The following SUGCT variants were observed in gnomAD, a reference collection of about 807,000 sequenced individuals.
The protein encoded by SUGCT is succinyl-CoA:glutarate-CoA transferase.
Under a neutral mutation model 55.0 loss-of-function variants are expected in SUGCT, and 41 were observed. The observed-to-expected ratio is 0.74, with a 90% CI of 0.58 to 0.97. SUGCT has a LOEUF of 0.97. Among genes scored for constraint, SUGCT ranks in the 50% least tolerant of loss-of-function variants. The pLI, the probability that SUGCT is intolerant of heterozygous loss-of-function variation, is 0.00. For synonymous variants in SUGCT, 187 were observed against 200.4 expected (o/e 0.93, Z 0.56); for missense variants, 568 against 547.8 (o/e 1.04, Z -0.37).
intron 9 of SUGCT, among the ~76,000 whole-genome samples, chr7:40,325,357 A>G (rs1242818936): frequency 3.3e-5 from 5 of 152,118 alleles, no homozygotes; most frequent in Non-Finnish European, 5.9e-5. Context: ...CAGGCATATG[A>G]TTCTATCACA....
chr7:40,863,610 G>A (rs577022331), downstream of SUGCT, among the ~76,000 whole-genome samples: 1 of 152,252 alleles, frequency 6.6e-6, no homozygotes. Context: ...ATTGGCAAAG[G>A]AGATGAGTGG....
At chr7:41,035,410 C>A in the SUGCT span, among the ~76,000 whole-genome samples, 1 of 152,144 alleles carries the variant, frequency 6.6e-6, no homozygotes, top group African/African-American at 2.4e-5. Context: ...CAAAATATCA[C>A]TTGGGAGTGC....
intron 8 of SUGCT, among the ~76,000 whole-genome samples, chr7:40,287,979 GAC>G (rs1277089153): frequency 1.3e-5 from 2 of 152,086 alleles, no homozygotes; most frequent in Non-Finnish European, 2.9e-5. Context: ...ATTAACAATT[GAC>G]ATTGATTTTT....
At chr7:40,747,240 C>T (rs563961209) in intron 12 of SUGCT, among the ~76,000 whole-genome samples, 109 of 152,274 alleles carry the variant, frequency 7.2e-4, no homozygotes, top group Non-Finnish European at 1.4e-3. Context: ...TAAAGAGCAT[C>T]ACCCGAAAAG....
At chr7:40,294,050 C>T (rs973430805) in intron 8 of SUGCT, among the ~76,000 whole-genome samples, 2 of 152,008 alleles carry the variant, frequency 1.3e-5, no homozygotes, top group African/African-American at 4.8e-5. Context: ...CAGATTCAAG[C>T]GATTCACCTG....
At chr7:40,919,134 GC>G in the SUGCT span, among the ~76,000 whole-genome samples, 2 of 152,122 alleles carry the variant, frequency 1.3e-5, no homozygotes, top group African/African-American at 2.4e-5. Context: ...TGAATCACAT[GC>G]CTTTAACCAC....
chr7:40,210,415 A>G (rs1787265068), intron 6 of SUGCT, among the ~76,000 whole-genome samples: 2 of 152,094 alleles, frequency 1.3e-5, no homozygotes, highest in Non-Finnish European at 2.9e-5. Flanking sequence ...CAAACCCAAC[A>G]TATTGATACA....
intron 12 of SUGCT, among the ~76,000 whole-genome samples, chr7:40,658,232 T>C (rs1801124255): frequency 6.6e-6 from 1 of 152,196 alleles, no homozygotes; most frequent in South Asian, 2.1e-4. Flanking sequence ...ATATATGATG[T>C]ATAACCTCGT....
intron 7 of SUGCT, among the ~76,000 whole-genome samples, chr7:40,272,488 A>G (rs555112854): frequency 1.3e-5 from 2 of 150,326 alleles, no homozygotes; most frequent in South Asian, 4.2e-4. Context: ...CATTTTCTTT[A>G]TCCATTCATC....
chr7:40,747,909 A>C (rs1280226925), intron 12 of SUGCT, among the ~76,000 whole-genome samples: 3 of 152,038 alleles, frequency 2.0e-5, no homozygotes, highest in African/African-American at 7.2e-5. Context: ...CACCACCTTT[A>C]GTTGGAGGGC....
chr7:40,852,698 CG>C (rs1793911960), intron 13 of SUGCT, among the ~76,000 whole-genome samples: 1 of 151,606 alleles, frequency 6.6e-6, no homozygotes. Flanking sequence ...GCTCAGCTTC[CG>C]ACTTAGCTTA....
At position 40,158,642 on chromosome 7, in the gene SUGCT, C is replaced by T. The variant is rs914409773; in HGVS notation, c.101-22305C>T. Among the ~76,000 whole-genome samples the T allele has an allele frequency of 1.2e-4, 18 of 152,162 alleles. No individual in the cohort carries two copies. In the East Asian group the frequency reaches 3.1e-3, roughly 26 times the overall value. On this transcript the variant is annotated intron_variant, in intron 1 of 13. Coordinates refer to ENST00000335693, the MANE Select transcript of SUGCT (RefSeq NM_001193313.2). ...GCATGTGCCTGTAGGCCGAACTACT[C>T]GGGAGGCTGAGACAGGAGAATTGCT...
intron 12 of SUGCT, among the ~76,000 whole-genome samples, chr7:40,569,591 C>G (rs1045994940): frequency 6.6e-6 from 1 of 152,090 alleles, no homozygotes; most frequent in Non-Finnish European, 1.5e-5. Flanking sequence ...GGCAAAGAGG[C>G]ACTTCCTTAA....
At chr7:40,904,922 T>C in the SUGCT span, among the ~76,000 whole-genome samples, 1 of 152,176 alleles carries the variant, frequency 6.6e-6, no homozygotes, top group African/African-American at 2.4e-5. Context: ...GTCTAAAACA[T>C]TCTAGTTTTA....
At chr7:40,341,407 A>G (rs532210924) in intron 9 of SUGCT, among the ~76,000 whole-genome samples, 112 of 152,276 alleles carry the variant, frequency 7.4e-4, no homozygotes, top group African/African-American at 2.6e-3. Context: ...ACAGGTAGGT[A>G]TTAATAGAGA....
the SUGCT span, among the ~76,000 whole-genome samples, chr7:41,029,115 T>C: frequency 6.6e-6 from 1 of 152,206 alleles, no homozygotes; most frequent in Non-Finnish European, 1.5e-5. Flanking sequence ...TCCTCAGTGA[T>C]GTGGGAGCCC....
In SUGCT at chr7:40,695,634, T is replaced by C. The variant is rs772169350; in HGVS notation, c.1090-53800T>C. Among the ~76,000 whole-genome samples, 187 of 152,320 alleles carry C rather than the reference T, an allele frequency of 1.2e-3. 1 individual carries two copies. Among genetic ancestry groups the C allele is most frequent in the Non-Finnish European group, 2.2e-3 (148 of 68,026 alleles). On this transcript the variant is annotated intron_variant, in intron 12 of 13. Transcript: ENST00000335693. Reference sequence around the variant, plus strand: ...ATGATCATAACTACAATAGCAAATATTACTGAGAGCTACAAAGGCTTTTTT... The same window carrying C: ...ATGATCATAACTACAATAGCAAATACTACTGAGAGCTACAAAGGCTTTTTT...
chr7:40,280,849 G>A (rs1792903528), intron 8 of SUGCT, among the ~76,000 whole-genome samples: 1 of 152,078 alleles, frequency 6.6e-6, no homozygotes, highest in Non-Finnish European at 1.5e-5. Flanking sequence ...GTATTAATCA[G>A]GTTTTGATGA....
rs986717603 is a variant in SUGCT, at chr7:40,185,849, A to G, written c.227-2646A>G. ...ATTGTCCTTTTTTTGACCAGTTACT[A>G]TGACTCCCTGTCTTCACCCTTCTGA... is the stretch of plus-strand genomic sequence containing the variant. On this transcript the variant is annotated intron_variant, in intron 3 of 13. Transcript: ENST00000335693. 3.3e-5 allele frequency among the ~76,000 whole-genome samples: 5 copies of G among 152,172 alleles called. No individual in the cohort carries two copies. The East Asian group carries it at 5.8e-4, about 18-fold the overall frequency.
Sources: gnomAD v4.1 joint callset for allele counts (sites outside exome capture counted in the v4.1 genomes callset) on GRCh38, gnomAD v4.1.1 for gene constraint, MANE v1.5 for transcripts, NCBI Gene and HGNC (gene_info 2026-07-23, HGNC 2026-07-21) for gene names.